MLLT3: variants seen among roughly 807,000 people sequenced by gnomAD.
MLLT3 encodes protein AF-9.
In MLLT3, 4 loss-of-function variants were observed where a neutral mutation model predicts 53.2. That is an observed-to-expected ratio of 0.08 (90% CI 0.04 to 0.17). The LOEUF (loss-of-function observed/expected upper bound fraction) is 0.17, where lower values mean the gene tolerates loss of function less well. Ranked by LOEUF, MLLT3 falls within the 10% of genes least tolerant of loss-of-function variation. MLLT3 has a pLI of 1.00. For synonymous variants in MLLT3, 283 were observed against 230.6 expected (o/e 1.23, Z -2.06); for missense variants, 569 against 684.0 (o/e 0.83, Z 1.87).
chr9:20,622,128 G>T lies in MLLT3; in HGVS notation c.12+117C>A, dbSNP rs1821036643. 9 of 1,222,156 alleles carry T rather than the reference G, an allele frequency of 7.4e-6. 1 individual carries two copies. The South Asian group carries it at 8.4e-5, about 11-fold the overall frequency. 75.7% of individuals were successfully genotyped at this position (1,222,156 alleles called of 1,614,324 possible). ...GAGAGGCGGCAGCTCCCTGCAAGCC[G>T]TACCAACCTTTCTCTAATTGGAACC... On this transcript the variant is annotated intron_variant, in intron 1 of 10. Transcript: ENST00000380338.
intron 4 of MLLT3, among the ~76,000 whole-genome samples, chr9:20,418,845 T>C (rs1822940262): frequency 6.6e-6 from 1 of 152,134 alleles, no homozygotes; most frequent in Non-Finnish European, 1.5e-5. Context: ...AGGCACTTGA[T>C]ACAGGAGGAG....
In MLLT3 at chr9:20,565,416, A is replaced by G. The variant is rs1819327476; in HGVS notation, c.193+55238T>C. Among the ~76,000 whole-genome samples, 4 of 152,136 alleles carry G rather than the reference A, an allele frequency of 2.6e-5. No individual in the cohort carries two copies. In the South Asian group the frequency reaches 8.3e-4, roughly 32 times the overall value. On this transcript the variant is annotated intron_variant, in intron 2 of 10. Transcript: ENST00000380338. ...ATAACTTACCAACTCACTGCCCAAA[A>G]AGGAAAACTTCTAGAGTAGCCCAGT... is the stretch of plus-strand genomic sequence containing the variant.
chr9:20,467,591 CA>C (rs1451442456), intron 2 of MLLT3, among the ~76,000 whole-genome samples: 1 of 151,918 alleles, frequency 6.6e-6, no homozygotes, highest in Non-Finnish European at 1.5e-5. Flanking sequence ...AATAAAATAA[CA>C]AAATAAAAAA....
intron 5 of MLLT3, among the ~76,000 whole-genome samples, chr9:20,402,869 C>T (rs1299175995): frequency 2.0e-5 from 3 of 152,172 alleles, no homozygotes; most frequent in Admixed American, 6.5e-5. Flanking sequence ...ATATGAGGTT[C>T]ATTCATTCAA....
chr9:20,379,879 C>T (rs937042728), intron 5 of MLLT3, among the ~76,000 whole-genome samples: 1 of 151,918 alleles, frequency 6.6e-6, no homozygotes. Flanking sequence ...AAGCAGTTAA[C>T]CATAAACTTA....
intron 2 of MLLT3, among the ~76,000 whole-genome samples, chr9:20,572,822 C>T (rs1819563499): frequency 6.6e-6 from 1 of 152,088 alleles, no homozygotes; most frequent in Non-Finnish European, 1.5e-5. Flanking sequence ...AATAAGTAAA[C>T]AGTAACATCC....
At chr9:20,562,799 T>C (rs556324121) in intron 2 of MLLT3, among the ~76,000 whole-genome samples, 1 of 152,268 alleles carries the variant, frequency 6.6e-6, no homozygotes, top group African/African-American at 2.4e-5. Flanking sequence ...ACCAGAAAAA[T>C]GAAAGTGTTT....
intron 10 of MLLT3, among the ~76,000 whole-genome samples, chr9:20,352,295 T>C (rs527537268): frequency 6.6e-6 from 1 of 152,312 alleles, no homozygotes; most frequent in Non-Finnish European, 1.5e-5. Context: ...TATTGGACAA[T>C]TGCTCCACAG....
At chr9:20,602,428 A>G (rs1265305128) in intron 2 of MLLT3, among the ~76,000 whole-genome samples, 2 of 152,164 alleles carry the variant, frequency 1.3e-5, no homozygotes, top group African/African-American at 4.8e-5. Flanking sequence ...AAGGAATTGT[A>G]TGTATGGGCA....
At position 20,354,754 on chromosome 9, in the gene MLLT3, A is replaced by C. The variant is rs1344091172; in HGVS notation, c.1503+54T>G. Reference sequence around the variant, plus strand: ...AAGGATGATCAAGGGCAACACAAAGAAACGGAAGGCTTGTCAGTGTTGGAG... The same window carrying C: ...AAGGATGATCAAGGGCAACACAAAGCAACGGAAGGCTTGTCAGTGTTGGAG... On this transcript the variant is annotated intron_variant, in intron 9 of 10. Transcript: ENST00000380338. 6.7e-6 allele frequency: 8 copies of C among 1,200,532 alleles called. No homozygotes were observed. The East Asian group carries it at 9.3e-5, about 14-fold the overall frequency. The allele number at this position is 1,200,532 out of a possible 1,614,324, so 74.4% of individuals were successfully genotyped here. A position where few individuals can be genotyped will look rare whatever the true frequency, so the allele number is the denominator to read the frequency against.
intron 2 of MLLT3, among the ~76,000 whole-genome samples, chr9:20,560,023 T>G (rs1819160720): frequency 6.6e-6 from 1 of 152,158 alleles, no homozygotes; most frequent in African/African-American, 2.4e-5. Context: ...ATAACATGAT[T>G]CCTAAAAGCT....
At chr9:20,595,096 A>G (rs750293253) in intron 2 of MLLT3, among the ~76,000 whole-genome samples, 1 of 152,074 alleles carries the variant, frequency 6.6e-6, no homozygotes, top group Non-Finnish European at 1.5e-5. Context: ...GTGGCTCACA[A>G]CTGTCATCCC....
chr9:20,616,172 A>G (rs1820829810), intron 2 of MLLT3, among the ~76,000 whole-genome samples: 1 of 152,166 alleles, frequency 6.6e-6, no homozygotes, highest in Admixed American at 6.5e-5. Context: ...TTATGAGGTA[A>G]TAGTTCTATT....
At chr9:20,508,429 T>C (rs1825439216) in intron 2 of MLLT3, among the ~76,000 whole-genome samples, 1 of 152,302 alleles carries the variant, frequency 6.6e-6, no homozygotes, top group African/African-American at 2.4e-5. Flanking sequence ...ACTACCGCAG[T>C]GCCAACACTA....
intron 2 of MLLT3, among the ~76,000 whole-genome samples, chr9:20,516,524 A>G (rs1445545509): frequency 2.6e-5 from 4 of 152,216 alleles, no homozygotes; most frequent in African/African-American, 9.7e-5. Flanking sequence ...ATTGTATTAA[A>G]TAACTGTCAT....
intron 2 of MLLT3, among the ~76,000 whole-genome samples, chr9:20,534,291 G>A (rs1818421873): frequency 6.6e-6 from 1 of 152,112 alleles, no homozygotes; most frequent in African/African-American, 2.4e-5. Context: ...TGGCAACGAT[G>A]GGAAAAAGTC....
At chr9:20,493,890 C>T (rs1825013759) in intron 2 of MLLT3, among the ~76,000 whole-genome samples, 1 of 152,038 alleles carries the variant, frequency 6.6e-6, no homozygotes, top group Non-Finnish European at 1.5e-5. Flanking sequence ...ACTACTCATT[C>T]TTTAAAATAT....
intron 2 of MLLT3, among the ~76,000 whole-genome samples, chr9:20,596,887 T>C (rs1347161636): frequency 6.6e-6 from 1 of 152,152 alleles, no homozygotes; most frequent in Non-Finnish European, 1.5e-5. Context: ...TGGGGGAGTA[T>C]TGCCATCGTA....
At chr9:20,352,760 C>T (rs1054688659) in intron 10 of MLLT3, among the ~76,000 whole-genome samples, 8 of 139,464 alleles carry the variant, frequency 5.7e-5, no homozygotes, top group Non-Finnish European at 1.1e-4. Context: ...TAAGTACTAA[C>T]GTCAAGTCAT....
Sources: gnomAD v4.1 joint callset for allele counts (sites outside exome capture counted in the v4.1 genomes callset) on GRCh38, gnomAD v4.1.1 for gene constraint, MANE v1.5 for transcripts, NCBI Gene and HGNC (gene_info 2026-07-23, HGNC 2026-07-21) for gene names.